CSMD3: variants seen among roughly 807,000 people sequenced by gnomAD.
CSMD3 encodes the protein CUB and sushi domain-containing protein 3.
Under a neutral mutation model 435.2 loss-of-function variants are expected in CSMD3, and 177 were observed. The observed-to-expected ratio is 0.41, with a 90% CI of 0.36 to 0.46. CSMD3 has a LOEUF of 0.46. Ranked by LOEUF, CSMD3 falls within the 20% of genes least tolerant of loss-of-function variation. The pLI, the probability that CSMD3 is intolerant of heterozygous loss-of-function variation, is 0.34. For synonymous variants in CSMD3, 1,656 were observed against 1,520.5 expected, an observed-to-expected ratio of 1.09 and a Z score of -2.07; for missense variants, 4,265 against 4,504.6, an observed-to-expected ratio of 0.95 and a Z score of 1.52.
intron 31 of CSMD3, among the ~76,000 whole-genome samples, chr8:112,487,558 C>T (rs1347970902): frequency 6.6e-6 from 1 of 152,062 alleles, no homozygotes; most frequent in Non-Finnish European, 1.5e-5. Context: ...TTTGGGAAGC[C>T]ATTGGTGGAT....
chr8:112,606,677 T>TA (rs1421782086), intron 22 of CSMD3, among the ~76,000 whole-genome samples: 10 of 152,180 alleles, frequency 6.6e-5, no homozygotes, highest in Admixed American at 2.6e-4. Flanking sequence ...AAGACTGAAG[T>TA]TATACCAAGG....
At chr8:112,262,309 C>T (rs1816494376) in intron 61 of CSMD3, among the ~76,000 whole-genome samples, 1 of 152,030 alleles carries the variant, frequency 6.6e-6, no homozygotes, top group African/African-American at 2.4e-5. Flanking sequence ...CATTGTTTTA[C>T]TTTCTATACC....
chr8:113,308,552 G>A (rs1305816368), intron 2 of CSMD3, among the ~76,000 whole-genome samples: 2 of 152,126 alleles, frequency 1.3e-5, no homozygotes, highest in East Asian at 1.9e-4. Context: ...ACAGGCGTGA[G>A]CCACCGCGCC....
chr8:113,089,278 T>C (rs1441959604), intron 5 of CSMD3, among the ~76,000 whole-genome samples: 1 of 152,218 alleles, frequency 6.6e-6, no homozygotes, highest in Non-Finnish European at 1.5e-5. Context: ...TGGAAGAATC[T>C]CACTACTAGC....
rs746757878 is a variant in CSMD3 at position 112,244,514 on chromosome 8, G to A, written c.10282C>T (p.Pro3428Ser). 152 of 1,613,880 alleles carry A rather than the reference G, an allele frequency of 9.4e-5. 2 individuals carry two copies. In the South Asian group the frequency reaches 1.6e-3, roughly 17 times the overall value. The change falls in exon 65 of 71, where the codon CCA becomes TCA. Residue 3428 changes from proline to serine, a missense_variant. Around this residue, in one of 3 missense-constraint regions of CSMD3, gnomAD observed 3,255 missense variants for 3,380.2 expected, o/e 0.96. Transcript: ENST00000297405. Reference sequence around the variant, plus strand: ...TAAATCAGTGTATACCCATGAGATGGAAGGTCCATCCCTACGACATTTGCA... The same window carrying A: ...TAAATCAGTGTATACCCATGAGATGAAAGGTCCATCCCTACGACATTTGCA... ...AHANVVGMDL[P>S]SHGYTLIYTC...
intron 9 of CSMD3, among the ~76,000 whole-genome samples, chr8:112,947,115 A>T (rs973482045): frequency 2.6e-5 from 4 of 151,702 alleles, no homozygotes; most frequent in Admixed American, 6.6e-5. Context: ...TTATTATCTA[A>T]TATTTTGATA....
chr8:113,181,057 A>G (rs534282448), intron 3 of CSMD3, among the ~76,000 whole-genome samples: 16 of 152,010 alleles, frequency 1.1e-4, no homozygotes, highest in African/African-American at 3.9e-4. Flanking sequence ...TATTATTTTA[A>G]CTTATTGAAA....
intron 3 of CSMD3, among the ~76,000 whole-genome samples, chr8:113,193,234 A>C (rs959668211): frequency 6.6e-6 from 1 of 151,164 alleles, no homozygotes; most frequent in Non-Finnish European, 1.5e-5. Flanking sequence ...CTATTCAGAG[A>C]CTGTTTTACC....
intron 10 of CSMD3, among the ~76,000 whole-genome samples, chr8:112,874,312 GA>G (rs1183922721): frequency 6.6e-6 from 1 of 152,120 alleles, no homozygotes; most frequent in Non-Finnish European, 1.5e-5. Flanking sequence ...ATTTGATGAG[GA>G]GTGTTTTACT....
intron 8 of CSMD3, among the ~76,000 whole-genome samples, chr8:112,950,574 A>G (rs191366816): frequency 1.3e-5 from 2 of 152,164 alleles, no homozygotes; most frequent in African/African-American, 4.8e-5. Flanking sequence ...ACATAATACT[A>G]TAGGTCCAGA....
intron 4 of CSMD3, among the ~76,000 whole-genome samples, chr8:113,150,625 C>T (rs555519150): frequency 3.2e-4 from 49 of 151,884 alleles, no homozygotes; most frequent in Non-Finnish European, 5.9e-4. Context: ...TCTTAAGCTG[C>T]TATGTTTGTA....
At chr8:112,505,367 C>T (rs1351136403) in intron 29 of CSMD3, among the ~76,000 whole-genome samples, 3 of 152,062 alleles carry the variant, frequency 2.0e-5, no homozygotes, top group African/African-American at 7.2e-5. Context: ...TATTTCATTA[C>T]TTATTACCCT....
intron 60 of CSMD3, among the ~76,000 whole-genome samples, chr8:112,265,155 A>C (rs540370773): frequency 1.3e-5 from 2 of 152,102 alleles, no homozygotes; most frequent in African/African-American, 4.8e-5. Flanking sequence ...ATATGGACAT[A>C]ATATTTTACT....
chr8:113,223,140 A>G lies in CSMD3; in HGVS notation c.515-49224T>C, dbSNP rs183362973. 5.5e-3 allele frequency among the ~76,000 whole-genome samples: 823 copies of G among 150,750 alleles called. 12 individuals are homozygous for G. Among genetic ancestry groups the G allele is most frequent in the African/African-American group, 0.019 (792 of 41,378 alleles). On this transcript the variant is annotated intron_variant, in intron 3 of 70. Coordinates refer to ENST00000297405, the MANE Select transcript of CSMD3 (RefSeq NM_198123.2). ...TTACTCAAAAGTATAACTCCATATT[A>G]ATTAATAAATTAATATTATTTTTGA...
At chr8:113,000,001 G>A (rs1204950506) in intron 6 of CSMD3, among the ~76,000 whole-genome samples, 1 of 151,974 alleles carries the variant, frequency 6.6e-6, no homozygotes. Context: ...ATGAGCTGGA[G>A]ATATGATGTT....
chr8:112,879,047 CAG>C (rs2081372015), intron 10 of CSMD3, among the ~76,000 whole-genome samples: 1 of 152,032 alleles, frequency 6.6e-6, no homozygotes, highest in African/African-American at 2.4e-5. Flanking sequence ...AACAGGATAA[CAG>C]TGATGTTCAG....
intron 32 of CSMD3, among the ~76,000 whole-genome samples, chr8:112,413,241 C>A (rs1811544312): frequency 6.6e-6 from 1 of 152,130 alleles, no homozygotes; most frequent in South Asian, 2.1e-4. Flanking sequence ...GTGTATCTAT[C>A]TACTCTTTCT....
chr8:113,347,746 T>C (rs1005001078), intron 1 of CSMD3, among the ~76,000 whole-genome samples: 2 of 152,114 alleles, frequency 1.3e-5, no homozygotes, highest in Admixed American at 6.6e-5. Context: ...AGCAAGAAGA[T>C]ATATTTGAGA....
chr8:113,133,913 G>A (rs1267906769), intron 4 of CSMD3, among the ~76,000 whole-genome samples: 2 of 152,022 alleles, frequency 1.3e-5, no homozygotes, highest in Non-Finnish European at 2.9e-5. Context: ...GTAAAGAGGA[G>A]TTGTTTAACA....
Sources: gnomAD v4.1 joint callset for allele counts (sites outside exome capture counted in the v4.1 genomes callset) on GRCh38, gnomAD v4.1.1 for gene constraint, gnomAD v4.1.1 regional missense constraint, MANE v1.5 for transcripts, NCBI Gene and HGNC (gene_info 2026-07-23, HGNC 2026-07-21) for gene names.